Variants in CSTPP1 observed in about 807,000 individuals in gnomAD.
CSTPP1 encodes the protein centriolar satellite-associated tubulin polyglutamylase complex regulator 1.
the CSTPP1 span, among the ~76,000 whole-genome samples, chr11:47,046,738 C>T: frequency 4.6e-5 from 6 of 130,770 alleles, no homozygotes; most frequent in Admixed American, 2.7e-4. Context: ...GTGATCTCGG[C>T]TCACTGCAAC....
the CSTPP1 span, among the ~76,000 whole-genome samples, chr11:47,032,893 G>A: frequency 1.3e-5 from 2 of 152,084 alleles, no homozygotes; most frequent in Non-Finnish European, 2.9e-5. Flanking sequence ...ACTACTGATA[G>A]TCTACTATTG....
At chr11:47,038,793 T>A in the CSTPP1 span, among the ~76,000 whole-genome samples, 5 of 94,838 alleles carry the variant, frequency 5.3e-5, no homozygotes, top group East Asian at 3.2e-4. Context: ...GATGGGGCGG[T>A]TGCCGGGCGG....
At chr11:47,063,735 A>G in the CSTPP1 span, among the ~76,000 whole-genome samples, 20 of 152,268 alleles carry the variant, frequency 1.3e-4, no homozygotes, top group Admixed American at 5.2e-4. Flanking sequence ...GTTGATGGCC[A>G]CTTGGGTTGT....
At chr11:47,120,782 A>G in the CSTPP1 span, among the ~76,000 whole-genome samples, 2 of 152,196 alleles carry the variant, frequency 1.3e-5, no homozygotes, top group Admixed American at 6.5e-5. This position sits in a 1 kb window ranked among gnomAD's most constrained non-coding sequence, Gnocchi z 4.2. Context: ...GAGACATTCA[A>G]TGAGAGTAAT....
chr11:47,092,465 A>G, the CSTPP1 span, among the ~76,000 whole-genome samples: 2 of 152,176 alleles, frequency 1.3e-5, no homozygotes, highest in East Asian at 3.8e-4. Flanking sequence ...TAAGAGAATT[A>G]TGAGAATAGT....
At chr11:47,149,429 G>C in the CSTPP1 span, among the ~76,000 whole-genome samples, 1 of 152,178 alleles carries the variant, frequency 6.6e-6, no homozygotes, top group Non-Finnish European at 1.5e-5. Flanking sequence ...GGATGACCTC[G>C]TCTCCAAGAA....
At chr11:47,119,443 C>T in the CSTPP1 span, among the ~76,000 whole-genome samples, 1 of 152,132 alleles carries the variant, frequency 6.6e-6, no homozygotes, top group African/African-American at 2.4e-5. Flanking sequence ...TGCTTCAGCT[C>T]GCCCTCCATG....
chr11:46,962,985 A>G, the CSTPP1 span, among the ~76,000 whole-genome samples: 1 of 152,176 alleles, frequency 6.6e-6, no homozygotes, highest in African/African-American at 2.4e-5. Flanking sequence ...ATCTTTCAAC[A>G]TTGCTGAACT....
At chr11:47,076,963 GAAA>G in the CSTPP1 span, among the ~76,000 whole-genome samples, 8 of 129,640 alleles carry the variant, frequency 6.2e-5, no homozygotes, top group South Asian at 2.4e-4. Context: ...AAAACAGGAG[GAAA>G]AAAAAAAAAA....
At chr11:47,042,127 A>G in the CSTPP1 span, among the ~76,000 whole-genome samples, 1 of 146,318 alleles carries the variant, frequency 6.8e-6, no homozygotes, top group South Asian at 2.2e-4. Context: ...ACTTGAGCTC[A>G]GGAGTTCAAG....
the CSTPP1 span, among the ~76,000 whole-genome samples, chr11:47,120,398 C>G: frequency 6.6e-6 from 1 of 152,086 alleles, no homozygotes; most frequent in African/African-American, 2.4e-5. The surrounding 1 kb of genome is among the most constrained non-coding windows in gnomAD (Gnocchi z 4.2). Context: ...CTTGAGCAAG[C>G]CACTTACTCT....
the CSTPP1 span, among the ~76,000 whole-genome samples, chr11:47,063,240 T>G: frequency 9.9e-5 from 15 of 152,162 alleles, no homozygotes; most frequent in African/African-American, 3.4e-4. Flanking sequence ...ATATATATGG[T>G]TTTTCTTATT....
chr11:47,083,291 T>G, the CSTPP1 span, among the ~76,000 whole-genome samples: 1 of 152,232 alleles, frequency 6.6e-6, no homozygotes, highest in Non-Finnish European at 1.5e-5. Context: ...ACTTTATTCC[T>G]TTTTGTGGCC....
At chr11:46,938,138 TG>T in the CSTPP1 span, among the ~76,000 whole-genome samples, 1 of 151,988 alleles carries the variant, frequency 6.6e-6, no homozygotes, top group South Asian at 2.1e-4. Flanking sequence ...CCTCCCAAAG[TG>T]TTGGGATTAC....
the CSTPP1 span, among the ~76,000 whole-genome samples, chr11:47,117,877 C>CT: frequency 6.2e-4 from 41 of 66,294 alleles, no homozygotes; most frequent in Middle Eastern, 0.01. Context: ...TATTTCTTTT[C>CT]TTTTTTTTTT....
the CSTPP1 span, among the ~76,000 whole-genome samples, chr11:47,148,372 C>T: frequency 1.7e-4 from 26 of 152,108 alleles, no homozygotes; most frequent in African/African-American, 6.0e-4. Context: ...CCAGCCACCC[C>T]ATGACTGACA....
the CSTPP1 span, chr11:47,161,693 G>A: frequency 6.5e-7 from 1 of 1,541,434 alleles, no homozygotes; most frequent in East Asian, 2.3e-5. Context: ...CCCAGCCCTT[G>A]GTGTGCCCAC....
chr11:46,963,101 CTTTTA>C, the CSTPP1 span, among the ~76,000 whole-genome samples: 1 of 148,214 alleles, frequency 6.7e-6, no homozygotes, highest in Non-Finnish European at 1.5e-5. Flanking sequence ...AATCTGGATG[CTTTTA>C]TTTTTTTTTT....
the CSTPP1 span, among the ~76,000 whole-genome samples, chr11:46,950,290 C>T: frequency 1.3e-5 from 2 of 151,392 alleles, no homozygotes; most frequent in African/African-American, 4.9e-5. Flanking sequence ...TCTCCTGCCT[C>T]AGCCTCCCGA....
Sources: allele counts gnomAD v4.1 joint callset (sites outside exome capture counted in the v4.1 genomes callset), GRCh38; gene constraint gnomAD v4.1.1; non-coding constraint Gnocchi (gnomAD v3.1); transcripts MANE v1.5; gene names NCBI Gene and HGNC (gene_info 2026-07-23, HGNC 2026-07-21).